Variants in ATP10B observed in about 807,000 individuals in gnomAD.
The protein encoded by ATP10B is ATPase phospholipid transporting 10B (putative), also known as phospholipid-transporting ATPase VB.
In ATP10B, 122 loss-of-function variants were observed where a neutral mutation model predicts 141.2. The observed-to-expected ratio is 0.86, with a 90% CI of 0.75 to 1.00. ATP10B has a LOEUF of 1.00. Ranked by LOEUF, ATP10B falls within the 50% of genes least tolerant of loss-of-function variation. The pLI is 0.00. For synonymous variants in ATP10B, 685 were observed against 692.0 expected (o/e 0.99, Z 0.16); for missense variants, 1,876 against 1,825.3 (o/e 1.03, Z -0.51).
At chr5:160,877,234 A>T in the ATP10B span, among the ~76,000 whole-genome samples, 2 of 151,790 alleles carry the variant, frequency 1.3e-5, no homozygotes, top group African/African-American at 4.8e-5. Context: ...TTCAATATAC[A>T]CAAATCAATA....
At chr5:160,648,121 A>G (rs1455538323) in intron 8 of ATP10B, among the ~76,000 whole-genome samples, 1 of 152,158 alleles carries the variant, frequency 6.6e-6, no homozygotes, top group Non-Finnish European at 1.5e-5. Flanking sequence ...TTGCATCTAT[A>G]AAGTCTCAGA....
At chr5:160,839,430 G>A (rs1775683851) in intron 1 of ATP10B, among the ~76,000 whole-genome samples, 1 of 152,096 alleles carries the variant, frequency 6.6e-6, no homozygotes, top group Non-Finnish European at 1.5e-5. Context: ...ATGAGAAGGG[G>A]TAGCCATTGA....
At chr5:160,916,550 A>G in the ATP10B span, among the ~76,000 whole-genome samples, 2 of 152,336 alleles carry the variant, frequency 1.3e-5, no homozygotes, top group Admixed American at 6.5e-5. Context: ...GGTGTTCAGC[A>G]TTGTCCTAAG....
intron 7 of ATP10B, among the ~76,000 whole-genome samples, chr5:160,651,690 A>T (rs1331434675): frequency 6.6e-6 from 1 of 152,168 alleles, no homozygotes; most frequent in African/African-American, 2.4e-5. Context: ...AAGAAATGAT[A>T]GCATTTTCTG....
intron 21 of ATP10B, among the ~76,000 whole-genome samples, chr5:160,602,285 A>G (rs1289639226): frequency 6.6e-6 from 1 of 151,882 alleles, no homozygotes; most frequent in African/African-American, 2.4e-5. Flanking sequence ...CTGGATTTAA[A>G]CCCAACGTGT....
chr5:160,686,575 C>T (rs1361700371), intron 5 of ATP10B, among the ~76,000 whole-genome samples: 2 of 152,206 alleles, frequency 1.3e-5, no homozygotes, highest in African/African-American at 2.4e-5. Flanking sequence ...TTTTATTCCT[C>T]TCCCCTTCTC....
intron 5 of ATP10B, among the ~76,000 whole-genome samples, chr5:160,686,692 T>C (rs1025139157): frequency 2.0e-5 from 3 of 152,204 alleles, no homozygotes; most frequent in African/African-American, 7.2e-5. Context: ...ATTCTGTTCC[T>C]GTTATTTACT....
chr5:160,681,703 T>G (rs891544508), intron 6 of ATP10B, among the ~76,000 whole-genome samples: 4 of 152,224 alleles, frequency 2.6e-5, no homozygotes, highest in Non-Finnish European at 5.9e-5. Flanking sequence ...AAGCAAAGTT[T>G]GCAAGTTTTT....
At chr5:160,707,228 G>C (rs1402248756) in intron 3 of ATP10B, among the ~76,000 whole-genome samples, 1 of 152,178 alleles carries the variant, frequency 6.6e-6, no homozygotes, top group East Asian at 1.9e-4. Context: ...TGGGATTACA[G>C]GCATGAGCCA....
At chr5:160,906,323 G>GA in the ATP10B span, among the ~76,000 whole-genome samples, 594 of 146,632 alleles carry the variant, frequency 4.1e-3, 4 homozygotes, top group South Asian at 0.011. Context: ...CAGCCTCTGG[G>GA]AAAAAAAAAA....
chr5:160,823,507 A>T (rs1774334535), intron 1 of ATP10B, among the ~76,000 whole-genome samples: 3 of 152,200 alleles, frequency 2.0e-5, no homozygotes, highest in Non-Finnish European at 4.4e-5. Context: ...CCTATGTAAC[A>T]AACTTGCACG....
At chr5:160,793,801 C>G (rs1413973584) in intron 1 of ATP10B, among the ~76,000 whole-genome samples, 5 of 152,194 alleles carry the variant, frequency 3.3e-5, no homozygotes, top group Admixed American at 3.3e-4. Flanking sequence ...GCAAGTGTAC[C>G]ATTAAAAATG....
the ATP10B span, among the ~76,000 whole-genome samples, chr5:160,925,604 CATGCTT>C: frequency 3.3e-5 from 5 of 152,240 alleles, no homozygotes; most frequent in African/African-American, 1.2e-4. Context: ...TTTTGACTAT[CATGCTT>C]ATGTTATTAA....
At chr5:160,757,454 A>G (rs2127833523) in intron 2 of ATP10B, among the ~76,000 whole-genome samples, 1 of 152,358 alleles carries the variant, frequency 6.6e-6, no homozygotes, top group South Asian at 2.1e-4. Flanking sequence ...TTACTGGAGT[A>G]TAAACTTTGT....
Position 160,612,870 on chromosome 5 carries a change from A to G in ATP10B, c.2709T>C (p.Thr903=). 1 of 1,613,968 alleles carries G rather than the reference A, an allele frequency of 6.2e-7. No individual in the cohort carries two copies. Among genetic ancestry groups the G allele is most frequent in the South Asian group, 1.1e-5 (1 of 91,072 alleles). The change falls in exon 18 of 26, where the codon ACT becomes ACC. Residue 903 remains threonine, a synonymous_variant. Transcript: ENST00000327245. ...LQEGVPDTIA[T]LREAGIQLWV... ...AGAGCTGGATCCCAGCCTCCCGCAG[A>G]GTGGCAATCGTATCTGGAACTCCTT...
At chr5:160,687,701 G>C in intron 5 of ATP10B, 99 bp downstream of exon 5, 2 of 1,346,282 alleles carry the variant, frequency 1.5e-6, no homozygotes, top group East Asian at 4.6e-5. Flanking sequence ...GGAGGTGAAG[G>C]TTGCAGTGAG....
chr5:160,677,544 A>C (rs1006020457), intron 6 of ATP10B, among the ~76,000 whole-genome samples: 3 of 152,158 alleles, frequency 2.0e-5, no homozygotes, highest in Non-Finnish European at 4.4e-5. Context: ...TCTATGGTTA[A>C]AGATTTTTTT....
the ATP10B span, among the ~76,000 whole-genome samples, chr5:160,877,016 T>A: frequency 3.6e-3 from 552 of 151,606 alleles, 3 homozygotes; most frequent in Admixed American, 6.0e-3. Flanking sequence ...AAAGAGGGAA[T>A]CCTCCCCTAA....
At chr5:160,771,975 G>A (rs934042541) in intron 2 of ATP10B, among the ~76,000 whole-genome samples, 10 of 152,238 alleles carry the variant, frequency 6.6e-5, no homozygotes, top group East Asian at 1.9e-4. Flanking sequence ...CCGACTAATC[G>A]GGGAAGCCCC....
Sources: allele counts gnomAD v4.1 joint callset (sites outside exome capture counted in the v4.1 genomes callset), GRCh38; gene constraint gnomAD v4.1.1; transcripts MANE v1.5; gene names NCBI Gene and HGNC (gene_info 2026-07-23, HGNC 2026-07-21).